Variants in SGCD observed in about 807,000 individuals in gnomAD.
SGCD encodes sarcoglycan delta.
SGCD carries 18 observed loss-of-function variants against 36.6 expected under a neutral mutation model. The ratio of observed to expected loss-of-function variants is 0.49; its 90% CI spans 0.34 to 0.73. The LOEUF is 0.73. SGCD is among the 30% of genes least tolerant of loss of function. SGCD has a pLI of 0.01. For missense variants in SGCD, 387 were observed against 346.7 expected, an observed-to-expected ratio of 1.12 and a Z score of -0.92; for synonymous variants, 133 against 130.6, an observed-to-expected ratio of 1.02 and a Z score of -0.12.
intron 1 of SGCD, among the ~76,000 whole-genome samples, chr5:156,054,509 T>A (rs1288721737): frequency 6.9e-6 from 1 of 145,544 alleles, no homozygotes; most frequent in Non-Finnish European, 1.5e-5. Context: ...ATGGTCTCAA[T>A]CTCCTGACCT....
At chr5:155,811,737 C>T in the SGCD span, among the ~76,000 whole-genome samples, 2 of 152,106 alleles carry the variant, frequency 1.3e-5, no homozygotes, top group Non-Finnish European at 2.9e-5. Flanking sequence ...GGGGGGTCAC[C>T]GCCTTCTGGT....
chr5:155,772,191 G>A, the SGCD span, among the ~76,000 whole-genome samples: 2 of 152,140 alleles, frequency 1.3e-5, no homozygotes, highest in African/African-American at 4.8e-5. Flanking sequence ...TAAATGGAAA[G>A]GGGGAGCAAT....
At chr5:156,730,050 A>C (rs1755976486) in intron 7 of SGCD, among the ~76,000 whole-genome samples, 1 of 152,108 alleles carries the variant, frequency 6.6e-6, no homozygotes, top group Non-Finnish European at 1.5e-5. Flanking sequence ...GGTTTTCTCC[A>C]CCTCCTTTCA....
rs58689990 is a variant in SGCD at position 156,466,882 on chromosome 5, T to C, written c.193-41719T>C. Reference sequence around the variant, plus strand: ...ATAAAATGCAATTTTTTATTTTTTTTAATGAAGAAAGAGGCCACAAAGACA... The same window carrying C: ...ATAAAATGCAATTTTTTATTTTTTTCAATGAAGAAAGAGGCCACAAAGACA... On this transcript the variant is annotated intron_variant, in intron 3 of 8. Transcript: ENST00000337851. 6.9e-3 allele frequency among the ~76,000 whole-genome samples: 1,057 copies of C among 152,228 alleles called. 16 individuals carry two copies. Among genetic ancestry groups the C allele is most frequent in the African/African-American group, 0.024 (1,005 of 41,536 alleles).
At chr5:155,959,267 A>G (rs947403858) in intron 1 of SGCD, among the ~76,000 whole-genome samples, 9 of 152,072 alleles carry the variant, frequency 5.9e-5, no homozygotes, top group African/African-American at 1.9e-4. Flanking sequence ...TATCTCACAT[A>G]TATTTATAAC....
chr5:156,624,880 C>A lies in SGCD; in HGVS notation c.503-22584C>A, dbSNP rs182255834. On this transcript the variant is annotated intron_variant, in intron 6 of 8. Coordinates refer to ENST00000337851, the MANE Select transcript of SGCD (RefSeq NM_000337.6). The stretch of plus-strand genomic sequence containing the variant: ...CAAATAGGCTGATAAAGCACAAGAG[C>A]TGACACATCCTAGAGAACTGACATG... 1.7e-3 allele frequency among the ~76,000 whole-genome samples: 256 copies of A among 152,286 alleles called. 1 individual carries two copies. The highest frequency in any genetic ancestry group is 5.9e-3 in the African/African-American group (244 of 41,568).
At chr5:155,735,700 G>A in the SGCD span, among the ~76,000 whole-genome samples, 1 of 152,206 alleles carries the variant, frequency 6.6e-6, no homozygotes, top group Non-Finnish European at 1.5e-5. Flanking sequence ...CCCAGATGAA[G>A]CTCTTGCTGA....
chr5:156,481,844 T>C (rs565153138), intron 3 of SGCD, among the ~76,000 whole-genome samples: 1 of 152,266 alleles, frequency 6.6e-6, no homozygotes, highest in South Asian at 2.1e-4. Context: ...CTTTCTCTAC[T>C]CCCTGTGGCC....
intron 6 of SGCD, among the ~76,000 whole-genome samples, chr5:156,619,245 T>C (rs1308419107): frequency 2.6e-5 from 4 of 152,152 alleles, no homozygotes; most frequent in Non-Finnish European, 4.4e-5. Context: ...CAGGATGGTC[T>C]CCATCTCCTG....
Position 156,316,802 on chromosome 5 carries a change from TAA to T in SGCD, c.-43-12730_-43-12729del, listed in dbSNP as rs1387796487. 2.0e-5 allele frequency among the ~76,000 whole-genome samples: 3 copies of T among 152,136 alleles called. No homozygotes were observed. In the East Asian group the frequency reaches 5.8e-4, roughly 29 times the overall value. ...AGTGAAACCTACACTGTCTAAAGAT[TAA>T]AGAGTACATTGTCAAAGGGCTGAAT... On this transcript the variant is annotated intron_variant, in intron 3 of 9. Transcript: ENST00000517913.
chr5:156,358,806 G>T (rs777726543), intron 3 of SGCD, among the ~76,000 whole-genome samples: 48 of 152,176 alleles, frequency 3.2e-4, no homozygotes, highest in Non-Finnish European at 5.0e-4. Context: ...AAAGTAAAAT[G>T]AAGAAATGGG....
At chr5:156,621,261 G>A (rs991498149) in intron 6 of SGCD, among the ~76,000 whole-genome samples, 1 of 152,030 alleles carries the variant, frequency 6.6e-6, no homozygotes, top group Non-Finnish European at 1.5e-5. Context: ...GCACAATCTC[G>A]GCTTACTGCA....
intron 3 of SGCD, among the ~76,000 whole-genome samples, chr5:156,420,045 A>G (rs941014469): frequency 6.6e-6 from 1 of 152,112 alleles, no homozygotes; most frequent in African/African-American, 2.4e-5. Flanking sequence ...ACTTGATAAC[A>G]GTCCATTGGT....
intron 3 of SGCD, among the ~76,000 whole-genome samples, chr5:156,382,038 T>G (rs1771011333): frequency 6.6e-6 from 1 of 152,168 alleles, no homozygotes; most frequent in African/African-American, 2.4e-5. Context: ...CACAAGTTGT[T>G]GAAGTATGTA....
chr5:156,322,720 C>A (rs931877151), upstream of SGCD, among the ~76,000 whole-genome samples: 1 of 151,962 alleles, frequency 6.6e-6, no homozygotes, highest in Non-Finnish European at 1.5e-5. Context: ...TCTTCAATCT[C>A]CTAAAGTGGA....
chr5:155,817,655 T>A, the SGCD span, among the ~76,000 whole-genome samples: 1 of 152,122 alleles, frequency 6.6e-6, no homozygotes. Context: ...GGGCATGAGA[T>A]TTATGTAGGA....
At chr5:155,868,598 C>T (rs898651924), upstream of SGCD, among the ~76,000 whole-genome samples, 3 of 151,710 alleles carry the variant, frequency 2.0e-5, no homozygotes, top group African/African-American at 4.8e-5. Flanking sequence ...AAATGATGAC[C>T]GTGCCTAAGG....
chr5:155,840,091 T>G, the SGCD span, among the ~76,000 whole-genome samples: 119 of 152,264 alleles, frequency 7.8e-4, no homozygotes, highest in Middle Eastern at 6.8e-3. Flanking sequence ...CAGTCTTTTT[T>G]TTTTTTACTT....
intron 7 of SGCD, among the ~76,000 whole-genome samples, chr5:156,688,306 C>A (rs895674522): frequency 6.6e-6 from 1 of 151,942 alleles, no homozygotes; most frequent in African/African-American, 2.4e-5. Context: ...AAAGAGTGAC[C>A]AAATGGATTT....
Sources: gnomAD v4.1 joint callset for allele counts (sites outside exome capture counted in the v4.1 genomes callset) on GRCh38, gnomAD v4.1.1 for gene constraint, MANE v1.5 for transcripts, NCBI Gene and HGNC (gene_info 2026-07-23, HGNC 2026-07-21) for gene names.